Variants in MACROD2 observed in about 807,000 individuals in gnomAD.
The protein encoded by MACROD2 is mono-ADP ribosylhydrolase 2.
Under a neutral mutation model 70.4 loss-of-function variants are expected in MACROD2, and 36 were observed. That is an observed-to-expected ratio of 0.51 (90% CI 0.39 to 0.68). MACROD2 has a LOEUF of 0.68. Among genes scored for constraint, MACROD2 ranks in the 30% least tolerant of loss-of-function variants. MACROD2 has a pLI of 0.00. For synonymous variants in MACROD2, 172 were observed against 178.8 expected, an observed-to-expected ratio of 0.96 and a Z score of 0.30; for missense variants, 496 against 538.4, an observed-to-expected ratio of 0.92 and a Z score of 0.78.
At chr20:14,277,413 A>T (rs913906744) in intron 3 of MACROD2, among the ~76,000 whole-genome samples, 16 of 152,242 alleles carry the variant, frequency 1.1e-4, no homozygotes, top group African/African-American at 3.9e-4. Context: ...ACTGCACTCC[A>T]GCGTGGTGAC....
chr20:15,585,404 C>A (rs2048584972), intron 8 of MACROD2, among the ~76,000 whole-genome samples: 1 of 151,888 alleles, frequency 6.6e-6, no homozygotes, highest in Non-Finnish European at 1.5e-5. Context: ...TACCATGCTG[C>A]CCAGGCTGGT....
intron 4 of MACROD2, among the ~76,000 whole-genome samples, chr20:14,527,309 G>A (rs1271900104): frequency 6.6e-6 from 1 of 152,166 alleles, no homozygotes; most frequent in East Asian, 1.9e-4. Context: ...GGCAGACCAG[G>A]GTGGTCTTGG....
chr20:15,033,764 TAGAA>T lies in MACROD2; in HGVS notation c.419-196172_419-196169del, dbSNP rs141815424. ...TTAAAATAAACAAACCTGTCCATGT[TAGAA>T]AGAGAAAAGATCCTCTACAGTGACA... is the stretch of plus-strand genomic sequence containing the variant. On this transcript the variant is annotated intron_variant, in intron 5 of 17. Transcript: ENST00000684519. 4.1e-3 allele frequency among the ~76,000 whole-genome samples: 624 copies of T among 152,308 alleles called. 5 individuals carry two copies. Among genetic ancestry groups the T allele is most frequent in the African/African-American group, 0.015 (603 of 41,564 alleles).
chr20:14,730,841 G>C (rs998812951), intron 5 of MACROD2, among the ~76,000 whole-genome samples: 2 of 152,058 alleles, frequency 1.3e-5, no homozygotes, highest in African/African-American at 2.4e-5. Flanking sequence ...CAGGTTTAAA[G>C]TGTTTTTTTA....
chr20:14,464,528 G>A (rs1302115116), intron 3 of MACROD2, among the ~76,000 whole-genome samples: 5 of 152,004 alleles, frequency 3.3e-5, no homozygotes, highest in African/African-American at 9.7e-5. Context: ...TTGTGTCTCT[G>A]TTTCCTTCAG....
At chr20:14,785,586 T>C (rs1395887481) in intron 5 of MACROD2, among the ~76,000 whole-genome samples, 1 of 152,060 alleles carries the variant, frequency 6.6e-6, no homozygotes, top group African/African-American at 2.4e-5. Context: ...GCTCCTCTGA[T>C]GCCCCAGCCC....
intron 8 of MACROD2, among the ~76,000 whole-genome samples, chr20:15,629,716 T>C (rs16996184): frequency 0.021 from 3,137 of 152,324 alleles, 33 homozygotes; most frequent in East Asian, 0.039. Flanking sequence ...TTGAGGATTT[T>C]CAGATTTAGT....
chr20:14,484,064 C>G (rs375049810), intron 3 of MACROD2, among the ~76,000 whole-genome samples: 20 of 152,268 alleles, frequency 1.3e-4, no homozygotes, highest in African/African-American at 4.8e-4. Flanking sequence ...GAACTGAAAT[C>G]TCATCTAACA....
At chr20:15,400,502 A>G (rs957030126) in intron 6 of MACROD2, among the ~76,000 whole-genome samples, 2 of 152,202 alleles carry the variant, frequency 1.3e-5, no homozygotes, top group African/African-American at 4.8e-5. Flanking sequence ...TCACTGTGGC[A>G]TCCTCAGTGC....
chr20:15,665,424 T>G (rs2049883924), intron 8 of MACROD2, among the ~76,000 whole-genome samples: 1 of 152,210 alleles, frequency 6.6e-6, no homozygotes, highest in Non-Finnish European at 1.5e-5. Flanking sequence ...ACTACCTATA[T>G]CCACACAAAA....
intron 7 of MACROD2, among the ~76,000 whole-genome samples, chr20:15,471,000 G>A (rs913855032): frequency 3.9e-5 from 6 of 151,954 alleles, no homozygotes; most frequent in South Asian, 2.1e-4. Flanking sequence ...AGTTTTTTCC[G>A]CCTCCTTCAT....
At chr20:15,962,961 A>T (rs981750575) in intron 12 of MACROD2, among the ~76,000 whole-genome samples, 2 of 152,182 alleles carry the variant, frequency 1.3e-5, no homozygotes, top group African/African-American at 4.8e-5. Context: ...TTCCTATATA[A>T]AAGAGTAGCC....
At chr20:14,922,374 A>G (rs1250111161) in intron 5 of MACROD2, among the ~76,000 whole-genome samples, 1 of 152,126 alleles carries the variant, frequency 6.6e-6, no homozygotes, top group Non-Finnish European at 1.5e-5. Context: ...CTTCTTAACC[A>G]CCCCTAATTT....
At chr20:15,265,494 A>T (rs893712090) in intron 6 of MACROD2, among the ~76,000 whole-genome samples, 2 of 152,186 alleles carry the variant, frequency 1.3e-5, no homozygotes, top group Non-Finnish European at 2.9e-5. Flanking sequence ...TCTTCTTTCA[A>T]TATATTAAGA....
intron 5 of MACROD2, among the ~76,000 whole-genome samples, chr20:14,795,856 C>G (rs1568800528): frequency 6.6e-6 from 1 of 151,922 alleles, no homozygotes; most frequent in South Asian, 2.1e-4. Flanking sequence ...AAGCAGGAGT[C>G]AAGTCCTGTG....
intron 3 of MACROD2, among the ~76,000 whole-genome samples, chr20:14,275,674 T>G (rs1377586147): frequency 6.6e-6 from 1 of 152,086 alleles, no homozygotes; most frequent in African/African-American, 2.4e-5. Flanking sequence ...CAAAAGAAAC[T>G]ACCATCAGAG....
intron 6 of MACROD2, among the ~76,000 whole-genome samples, chr20:15,269,160 G>A (rs1450011133): frequency 6.6e-6 from 1 of 152,226 alleles, no homozygotes; most frequent in Non-Finnish European, 1.5e-5. Context: ...TTCTCTGTGG[G>A]ACACACATGG....
At chr20:15,081,010 C>A (rs1379820936) in intron 5 of MACROD2, among the ~76,000 whole-genome samples, 1 of 152,068 alleles carries the variant, frequency 6.6e-6, no homozygotes, top group Admixed American at 6.6e-5. Flanking sequence ...TTTATCTACT[C>A]CACTAGAACA....
At chr20:15,910,060 C>G (rs2065212868) in intron 10 of MACROD2, among the ~76,000 whole-genome samples, 1 of 152,142 alleles carries the variant, frequency 6.6e-6, no homozygotes, top group African/African-American at 2.4e-5. Context: ...TCTCTGATCT[C>G]TATCAAATGA....
Sources: gnomAD v4.1 joint callset for allele counts (sites outside exome capture counted in the v4.1 genomes callset) on GRCh38, gnomAD v4.1.1 for gene constraint, MANE v1.5 for transcripts, NCBI Gene and HGNC (gene_info 2026-07-23, HGNC 2026-07-21) for gene names.